Variants in USP12 observed in about 807,000 individuals in gnomAD.
USP12 encodes the protein ubiquitin specific peptidase 12, also known as ubiquitin carboxyl-terminal hydrolase 12.
In USP12, 19 loss-of-function variants were observed where a neutral mutation model predicts 45.5. The observed-to-expected ratio is 0.42, with a 90% confidence interval of 0.29 to 0.61. USP12 has a LOEUF of 0.61. Among genes scored for constraint, USP12 ranks in the 20% least tolerant of loss-of-function variants. The pLI, the probability that USP12 is intolerant of heterozygous loss-of-function variation, is 0.22. For synonymous variants in USP12, 149 were observed against 148.8 expected, an observed-to-expected ratio of 1.00 and a Z score of -0.01; for missense variants, 242 against 447.7, an observed-to-expected ratio of 0.54 and a Z score of 4.15.
chr13:27,120,621 T>TAAAAAAAAAAAAAAAAA (rs57930303), intron 1 of USP12, among the ~76,000 whole-genome samples: 1 of 145,318 alleles, frequency 6.9e-6, no homozygotes, highest in Non-Finnish European at 1.5e-5. Context: ...AAACTCCATC[T>TAAAAAAAAAAAAAAAAA]AAAAAAAAAA....
Position 27,129,188 on chromosome 13 carries a change from G to A in USP12, c.49-12592C>T, listed in dbSNP as rs948016155. Among the ~76,000 whole-genome samples, 26 of 151,958 alleles carry A rather than the reference G, an allele frequency of 1.7e-4. No homozygotes were observed. Among genetic ancestry groups the A allele is most frequent in the African/African-American group, 6.3e-4 (26 of 41,358 alleles). On this transcript the variant is annotated intron_variant, in intron 1 of 8. Coordinates refer to ENST00000282344, the MANE Select transcript of USP12 (RefSeq NM_182488.4). The surrounding 1 kb of genome is among the most constrained non-coding windows in gnomAD (Gnocchi z 4.0). ...GAAAGTGACCTGTAGCTCTTTCCGTGTCACTGAGACAACAGGAATATTATA... is the reference window on the plus strand; with the variant it reads ...GAAAGTGACCTGTAGCTCTTTCCGTATCACTGAGACAACAGGAATATTATA...
intron 3 of USP12, among the ~76,000 whole-genome samples, chr13:27,096,898 G>A (rs1043635525): frequency 1.3e-5 from 2 of 151,984 alleles, no homozygotes; most frequent in South Asian, 2.1e-4. Context: ...AAAATTTAGG[G>A]AAAGTCTAAG....
At chr13:27,134,095 G>GA (rs1250214877) in intron 1 of USP12, among the ~76,000 whole-genome samples, 1 of 152,100 alleles carries the variant, frequency 6.6e-6, no homozygotes, top group African/African-American at 2.4e-5. Context: ...AGTGAGCTAT[G>GA]ATCAGGCCAC....
intron 1 of USP12, chr13:27,170,185 G>A (rs1301221582): frequency 7.6e-6 from 3 of 397,204 alleles, no homozygotes; most frequent in Non-Finnish European, 1.3e-5. Flanking sequence ...GGGAAATGGA[G>A]TCTTCAATGA....
intron 4 of USP12, among the ~76,000 whole-genome samples, chr13:27,094,915 A>G (rs1874499094): frequency 1.3e-5 from 2 of 152,202 alleles, no homozygotes; most frequent in Non-Finnish European, 2.9e-5. Flanking sequence ...TGAGAGGCCA[A>G]GGTGGAAAGA....
chr13:27,149,492 TA>T (rs1877468946), intron 1 of USP12, among the ~76,000 whole-genome samples: 1 of 152,152 alleles, frequency 6.6e-6, no homozygotes, highest in Admixed American at 6.5e-5. Flanking sequence ...AAGAATCCAC[TA>T]AAAAATTACT....
At chr13:27,081,095 G>C (rs1873738415) in intron 6 of USP12, among the ~76,000 whole-genome samples, 1 of 145,834 alleles carries the variant, frequency 6.9e-6, no homozygotes, top group African/African-American at 2.5e-5. Context: ...CTCACTGCAA[G>C]ATCCAGGCTG....
intron 2 of USP12, among the ~76,000 whole-genome samples, chr13:27,106,711 T>TA (rs1565991689): frequency 1.8e-3 from 273 of 151,892 alleles, no homozygotes; most frequent in African/African-American, 6.3e-3. Context: ...TTTATTTTTT[T>TA]TAAAAAAATG....
intron 1 of USP12, among the ~76,000 whole-genome samples, chr13:27,143,986 T>C (rs922360559): frequency 6.6e-6 from 1 of 152,164 alleles, no homozygotes; most frequent in Non-Finnish European, 1.5e-5. Context: ...GAAGGATCAC[T>C]TGAGGTCAGG....
chr13:27,152,384 A>G (rs1877609252), intron 1 of USP12, among the ~76,000 whole-genome samples: 1 of 152,214 alleles, frequency 6.6e-6, no homozygotes, highest in Non-Finnish European at 1.5e-5. Context: ...CAAAGACCAT[A>G]TACTCTATGA....
intron 3 of USP12, among the ~76,000 whole-genome samples, chr13:27,103,598 C>CAAAAAAAA (rs376135830): frequency 0.056 from 7,135 of 127,480 alleles, 236 homozygotes; most frequent in Non-Finnish European, 0.084. Flanking sequence ...ATTGAACTAT[C>CAAAAAAAA]AAAAAAAAAA....
intron 1 of USP12, among the ~76,000 whole-genome samples, chr13:27,148,813 C>CACACACACACACACAA (rs1237028314): frequency 6.0e-5 from 9 of 150,792 alleles, no homozygotes; most frequent in South Asian, 2.1e-4. Context: ...CACACACACA[C>CACACACACACACACAA]AAAAATCAGG....
At chr13:27,100,022 AG>A (rs1331980902) in intron 3 of USP12, among the ~76,000 whole-genome samples, 1 of 152,202 alleles carries the variant, frequency 6.6e-6, no homozygotes, top group Non-Finnish European at 1.5e-5. Flanking sequence ...TGCTCAGAGT[AG>A]AAGTCTATGC....
chr13:27,071,276 T>A (rs1873235998), intron 7 of USP12, 127 bp from the exon 8 acceptor site: 2 of 712,202 alleles, frequency 2.8e-6, no homozygotes, highest in Admixed American at 6.7e-5. Context: ...TTCTTTTTTA[T>A]ACCCCTTACC....
At chr13:27,158,391 T>C (rs1021751465) in intron 1 of USP12, among the ~76,000 whole-genome samples, 1 of 152,212 alleles carries the variant, frequency 6.6e-6, no homozygotes, top group African/African-American at 2.4e-5. Context: ...GCCTACAGAA[T>C]TGTTAGGACG....
At chr13:27,133,139 C>G (rs1366687180) in intron 1 of USP12, among the ~76,000 whole-genome samples, 2 of 152,176 alleles carry the variant, frequency 1.3e-5, no homozygotes, top group Non-Finnish European at 2.9e-5. Flanking sequence ...TCTTGCAATC[C>G]TCTAGGAATC....
intron 1 of USP12, among the ~76,000 whole-genome samples, chr13:27,160,789 T>C (rs1878069492): frequency 6.6e-6 from 1 of 152,112 alleles, no homozygotes; most frequent in African/African-American, 2.4e-5. Context: ...TTCTTTTTTT[T>C]TTTTTTCCCC....
rs1030392588 is a variant in USP12 at position 27,082,890 on chromosome 13, C to T, written c.734+6993G>A. On this transcript the variant is annotated intron_variant, in intron 6 of 8. Coordinates refer to ENST00000282344, the MANE Select transcript of USP12 (RefSeq NM_182488.4). ...CACTCTTGTTGCCCAGGCTGGAGTGCAATGGCGTGATCTCGGCTCACCGCA... is the reference window on the plus strand; with the variant it reads ...CACTCTTGTTGCCCAGGCTGGAGTGTAATGGCGTGATCTCGGCTCACCGCA... Among the ~76,000 whole-genome samples the T allele has an allele frequency of 7.9e-5, 12 of 152,216 alleles. No homozygotes were observed. In the South Asian group the frequency reaches 2.3e-3, roughly 29 times the overall value.
At chr13:27,081,352 CCA>C (rs201194475) in intron 6 of USP12, among the ~76,000 whole-genome samples, 525 of 152,298 alleles carry the variant, frequency 3.4e-3, no homozygotes, top group African/African-American at 0.012. Context: ...TCTCAACAAA[CCA>C]CATTCTTTGA....
Sources: gnomAD v4.1 joint callset for allele counts (sites outside exome capture counted in the v4.1 genomes callset) on GRCh38, gnomAD v4.1.1 for gene constraint, Gnocchi (gnomAD v3.1) non-coding constraint, MANE v1.5 for transcripts, NCBI Gene and HGNC (gene_info 2026-07-23, HGNC 2026-07-21) for gene names.